PDE7B: variants seen among roughly 807,000 people sequenced by gnomAD.
PDE7B encodes the protein phosphodiesterase 7B.
In PDE7B, 29 loss-of-function variants were observed where a neutral mutation model predicts 56.2. The observed-to-expected ratio is 0.52, with a 90% confidence interval of 0.38 to 0.70. PDE7B has a LOEUF of 0.70. Ranked by LOEUF, PDE7B falls within the 30% of genes least tolerant of loss-of-function variation. The pLI is 0.00. For synonymous variants in PDE7B, 197 were observed against 196.9 expected, an observed-to-expected ratio of 1.00 and a Z score of 0.00; for missense variants, 490 against 565.0, an observed-to-expected ratio of 0.87 and a Z score of 1.35.
At chr6:136,142,003 C>A (rs765899892) in intron 3 of PDE7B, among the ~76,000 whole-genome samples, 216 of 152,084 alleles carry the variant, frequency 1.4e-3, no homozygotes, top group African/African-American at 4.1e-3. Context: ...CTAGCTTTTG[C>A]GTGTGTTTGC....
At chr6:136,150,865 G>GTGTGTGTGTGTGTGTGTGTA (rs1423760798) in intron 5 of PDE7B, among the ~76,000 whole-genome samples, 2 of 151,992 alleles carry the variant, frequency 1.3e-5, no homozygotes, top group Non-Finnish European at 2.9e-5. Context: ...ATGTGTGTGT[G>GTGTGTGTGTGTGTGTGTGTA]TGTGTATGTG....
At chr6:136,163,511 G>C (rs910084473) in intron 8 of PDE7B, among the ~76,000 whole-genome samples, 2 of 152,208 alleles carry the variant, frequency 1.3e-5, no homozygotes, top group Admixed American at 6.5e-5. Context: ...GGCTGCCATG[G>C]AGGTCTTAGA....
chr6:135,908,860 C>G (rs971068273), intron 1 of PDE7B, among the ~76,000 whole-genome samples: 1 of 152,148 alleles, frequency 6.6e-6, no homozygotes, highest in African/African-American at 2.4e-5. Flanking sequence ...AAAAAAACAC[C>G]AGCATCAAGT....
intron 8 of PDE7B, among the ~76,000 whole-genome samples, chr6:136,158,232 T>C (rs1583914706): frequency 6.6e-6 from 1 of 152,330 alleles, no homozygotes; most frequent in East Asian, 1.9e-4. Context: ...CAAATTTTCA[T>C]AGGATGTTTG....
chr6:135,977,434 A>G (rs574681663), intron 2 of PDE7B, among the ~76,000 whole-genome samples: 3 of 151,756 alleles, frequency 2.0e-5, no homozygotes, highest in African/African-American at 7.3e-5. Context: ...GGCCGAAAGC[A>G]GAAAACTACT....
At chr6:135,979,775 G>C (rs142146755) in intron 2 of PDE7B, among the ~76,000 whole-genome samples, 4,607 of 152,054 alleles carry the variant, frequency 0.03, 226 homozygotes, top group African/African-American at 0.1. Context: ...CTACAAACCA[G>C]TGCTCAAGGA....
At chr6:136,018,063 C>T (rs141219864) in intron 2 of PDE7B, among the ~76,000 whole-genome samples, 1 of 152,274 alleles carries the variant, frequency 6.6e-6, no homozygotes, top group African/African-American at 2.4e-5. Flanking sequence ...TAGCGTCAAA[C>T]AGTAATTTGG....
intron 3 of PDE7B, among the ~76,000 whole-genome samples, chr6:136,145,867 C>T (rs1165515959): frequency 6.6e-6 from 1 of 152,148 alleles, no homozygotes; most frequent in Non-Finnish European, 1.5e-5. Context: ...GTAATGTCAT[C>T]TGACAACTTT....
chr6:135,886,279 C>A (rs1446240278), intron 1 of PDE7B, among the ~76,000 whole-genome samples: 1 of 152,076 alleles, frequency 6.6e-6, no homozygotes, highest in East Asian at 1.9e-4. Flanking sequence ...GTGCAAGAAG[C>A]CAAGGACCTC....
chr6:135,974,289 A>G (rs775893784), intron 2 of PDE7B, among the ~76,000 whole-genome samples: 1 of 151,232 alleles, frequency 6.6e-6, no homozygotes, highest in Non-Finnish European at 1.5e-5. Flanking sequence ...GTGTGTCTAT[A>G]TACATATATA....
intron 3 of PDE7B, among the ~76,000 whole-genome samples, chr6:136,124,025 T>G (rs1359562841): frequency 6.6e-6 from 1 of 152,208 alleles, no homozygotes; most frequent in African/African-American, 2.4e-5. Context: ...ATTTTTGAAC[T>G]TTCTATTGAA....
chr6:135,880,698 G>T (rs997795077), intron 1 of PDE7B, among the ~76,000 whole-genome samples: 2 of 151,944 alleles, frequency 1.3e-5, no homozygotes, highest in Non-Finnish European at 2.9e-5. Context: ...GTTGAGAGAG[G>T]CAGAGGAAGT....
At chr6:136,125,961 T>C (rs1315465130) in intron 3 of PDE7B, among the ~76,000 whole-genome samples, 2 of 152,124 alleles carry the variant, frequency 1.3e-5, no homozygotes. Flanking sequence ...ACAGCCTACT[T>C]ATTCTCATAA....
chr6:135,930,792 A>C (rs189545896), intron 1 of PDE7B, among the ~76,000 whole-genome samples: 5 of 152,350 alleles, frequency 3.3e-5, no homozygotes, highest in African/African-American at 9.6e-5. Flanking sequence ...TTAATGGTAC[A>C]TGGGTGACCA....
chr6:136,172,525 TG>T (rs1331459276), intron 8 of PDE7B, among the ~76,000 whole-genome samples: 13 of 152,232 alleles, frequency 8.5e-5, no homozygotes, highest in Non-Finnish European at 4.4e-5. Context: ...TTGTAGATTC[TG>T]GATATTAGCC....
intron 1 of PDE7B, among the ~76,000 whole-genome samples, chr6:135,917,631 G>A (rs1009165880): frequency 4.0e-5 from 6 of 151,632 alleles, no homozygotes; most frequent in African/African-American, 1.5e-4. Flanking sequence ...GTTGTTGTTA[G>A]TTAAATTTTT....
chr6:136,070,555 T>C (rs1039330267), intron 2 of PDE7B, among the ~76,000 whole-genome samples: 2 of 152,128 alleles, frequency 1.3e-5, no homozygotes, highest in Non-Finnish European at 2.9e-5. Context: ...GCTTTTTTTA[T>C]TTTAAAAGGT....
At chr6:135,985,404 A>C (rs1282083942) in intron 2 of PDE7B, among the ~76,000 whole-genome samples, 4 of 152,196 alleles carry the variant, frequency 2.6e-5, no homozygotes, top group Non-Finnish European at 5.9e-5. Flanking sequence ...GTTTCTTTGG[A>C]GGTCCAAAGT....
At chr6:136,060,510 A>G (rs1776819838) in intron 2 of PDE7B, among the ~76,000 whole-genome samples, 1 of 152,212 alleles carries the variant, frequency 6.6e-6, no homozygotes. Flanking sequence ...GAAAATCTAA[A>G]TTGTGGTAAT....
Sources: gnomAD v4.1 joint callset for allele counts (sites outside exome capture counted in the v4.1 genomes callset) on GRCh38, gnomAD v4.1.1 for gene constraint, MANE v1.5 for transcripts, NCBI Gene and HGNC (gene_info 2026-07-23, HGNC 2026-07-21) for gene names.